Variants in SHISAL1 observed in about 807,000 individuals in gnomAD.
SHISAL1 encodes shisa like 1.
Under a neutral mutation model 22.6 loss-of-function variants are expected in SHISAL1, and 9 were observed. The observed-to-expected ratio is 0.40, with a 90% CI of 0.24 to 0.70. The LOEUF is 0.70. Ranked by LOEUF, SHISAL1 falls within the 30% of genes least tolerant of loss-of-function variation. SHISAL1 has a pLI of 0.39. For missense variants in SHISAL1, 246 were observed against 270.6 expected, an observed-to-expected ratio of 0.91 and a Z score of 0.64; for synonymous variants, 119 against 115.4, an observed-to-expected ratio of 1.03 and a Z score of -0.20.
chr22:44,254,033 GCCA>G (rs1191714022), intron 4 of SHISAL1, among the ~76,000 whole-genome samples: 6 of 151,914 alleles, frequency 3.9e-5, no homozygotes, highest in African/African-American at 1.5e-4. Context: ...ACCAAACTTT[GCCA>G]CCAAGAGGTC....
chr22:44,305,399 G>A (rs563588252), intron 1 of SHISAL1, among the ~76,000 whole-genome samples: 11 of 152,212 alleles, frequency 7.2e-5, no homozygotes, highest in African/African-American at 2.7e-4. Context: ...GTCCTGGCCA[G>A]GGCTGGCCCT....
intron 4 of SHISAL1, among the ~76,000 whole-genome samples, chr22:44,284,509 G>A (rs79548454): frequency 0.032 from 4,828 of 152,216 alleles, 273 homozygotes; most frequent in African/African-American, 0.11. Flanking sequence ...TCTGGGATGG[G>A]TCTTGCAGCC....
At chr22:44,307,941 C>A (rs1164235418) in intron 1 of SHISAL1, among the ~76,000 whole-genome samples, 1 of 152,144 alleles carries the variant, frequency 6.6e-6, no homozygotes, top group Non-Finnish European at 1.5e-5. Context: ...GCCTGGAGAC[C>A]CCCTACAGCA....
At chr22:44,255,872 G>T (rs561410821) in intron 4 of SHISAL1, among the ~76,000 whole-genome samples, 1 of 152,286 alleles carries the variant, frequency 6.6e-6, no homozygotes, top group South Asian at 2.1e-4. Flanking sequence ...GGGCCACAGG[G>T]TGCCCTGATA....
chr22:44,286,965 C>T (rs924260021), intron 3 of SHISAL1, among the ~76,000 whole-genome samples: 25 of 149,010 alleles, frequency 1.7e-4, no homozygotes, highest in African/African-American at 4.7e-4. Context: ...AGCCAGTGTC[C>T]GGCCTGTACA....
chr22:44,323,994 G>C, the SHISAL1 span, among the ~76,000 whole-genome samples: 1 of 152,200 alleles, frequency 6.6e-6, no homozygotes, highest in Non-Finnish European at 1.5e-5. Context: ...GAGGAAACAG[G>C]CTCAGAGAGG....
rs183338509 is a variant in SHISAL1, at chr22:44,309,713, T to G, written c.-33+3038A>C. On this transcript the variant is annotated intron_variant, in intron 1 of 4. Coordinates refer to ENST00000381176, the MANE Select transcript of SHISAL1 (RefSeq NM_001099294.2). ...ACACATGTACACACGTGTGCACATA[T>G]GTATCATCAGGGATGTTTAACCTCC... Among the ~76,000 whole-genome samples the G allele has an allele frequency of 1.1e-4, 16 of 152,296 alleles. No individual in the cohort carries two copies. In the East Asian group the frequency reaches 2.9e-3, roughly 28 times the overall value.
chr22:44,307,509 C>T (rs1293944244), intron 1 of SHISAL1, among the ~76,000 whole-genome samples: 2 of 152,178 alleles, frequency 1.3e-5, no homozygotes. Flanking sequence ...AATTTATCCT[C>T]CCGGGTTCTA....
At chr22:44,269,739 C>T (rs1209881702) in intron 4 of SHISAL1, among the ~76,000 whole-genome samples, 1 of 150,596 alleles carries the variant, frequency 6.6e-6, no homozygotes, top group African/African-American at 2.5e-5. Flanking sequence ...ACAGACATCA[C>T]ACAATGCACA....
chr22:44,270,477 A>G (rs1356119996), intron 4 of SHISAL1, among the ~76,000 whole-genome samples: 2 of 152,148 alleles, frequency 1.3e-5, no homozygotes, highest in Admixed American at 6.5e-5. Flanking sequence ...GGCATTTATG[A>G]TAGGGACTTG....
intron 1 of SHISAL1, among the ~76,000 whole-genome samples, 167 bp downstream of exon 1, chr22:44,312,583 AC>A (rs2055527452): frequency 6.6e-6 from 1 of 151,978 alleles, no homozygotes; most frequent in African/African-American, 2.4e-5. Context: ...CATAGCCGTC[AC>A]CCCGGCCCCT....
chr22:44,328,558 G>A, the SHISAL1 span, among the ~76,000 whole-genome samples: 4 of 152,086 alleles, frequency 2.6e-5, no homozygotes, highest in African/African-American at 7.2e-5. Flanking sequence ...ACATGCCACC[G>A]CCCCCCAACC....
chr22:44,290,529 C>CAAAGAAAAAAA (rs2055345288), intron 3 of SHISAL1, among the ~76,000 whole-genome samples: 1 of 84,292 alleles, frequency 1.2e-5, no homozygotes, highest in Non-Finnish European at 2.4e-5. Context: ...AACTCAGTCT[C>CAAAGAAAAAAA]AAAAAAAAAA....
At chr22:44,257,245 G>GGT (rs2055090826) in intron 4 of SHISAL1, among the ~76,000 whole-genome samples, 1 of 152,186 alleles carries the variant, frequency 6.6e-6, no homozygotes, top group Non-Finnish European at 1.5e-5. Context: ...GGCAACATAG[G>GGT]TACAAGCACA....
chr22:44,251,396 C>CG (rs1475801722), intron 4 of SHISAL1, among the ~76,000 whole-genome samples: 1 of 152,098 alleles, frequency 6.6e-6, no homozygotes, highest in Non-Finnish European at 1.5e-5. Flanking sequence ...ATTAAGGATA[C>CG]GCTTAGGCAA....
Position 44,247,254 on chromosome 22 carries a change from G to A in SHISAL1, c.*2431C>T, listed in dbSNP as rs765895557. The A allele has an allele frequency of 6.6e-6, 1 of 152,176 alleles. No homozygotes were observed. The highest frequency in any genetic ancestry group is 2.1e-4 in the South Asian group (1 of 4,820). The allele number at this position is 152,176 out of a possible 1,614,324, so 9.4% of individuals were successfully genotyped here. A position where few individuals can be genotyped will look rare whatever the true frequency, so the allele number is the denominator to read the frequency against. ...CATCTGACTCCTTCCTCTTACCGAT[G>A]GGGAAACTGAGGTAACAGACCTTGC... On this transcript the variant is annotated 3_prime_UTR_variant, in exon 5 of 5. Transcript: ENST00000381176.
intron 1 of SHISAL1, among the ~76,000 whole-genome samples, chr22:44,307,132 C>T (rs1601806623): frequency 6.6e-6 from 1 of 152,152 alleles, no homozygotes. Flanking sequence ...CCTGGAAGGG[C>T]GTCCGCCGTC....
chr22:44,246,365 G>C lies in SHISAL1; in HGVS notation c.*3320C>G, dbSNP rs537098246. The C allele has an allele frequency of 1.4e-5, 2 of 145,418 alleles. No homozygotes were observed. Among genetic ancestry groups the C allele is most frequent in the African/African-American group, 5.7e-5 (2 of 35,140 alleles). 9.0% of individuals were successfully genotyped at this position (145,418 alleles called of 1,614,324 possible). A position where few individuals can be genotyped will look rare whatever the true frequency, so the allele number is the denominator to read the frequency against. On this transcript the variant is annotated 3_prime_UTR_variant, in exon 5 of 5. Transcript: ENST00000381176. ...GACATCTTGTCCTCTTCTCTCTCTCGTTTTTCTTTTTGTATTATTATTATT... is the reference window on the plus strand; with the variant it reads ...GACATCTTGTCCTCTTCTCTCTCTCCTTTTTCTTTTTGTATTATTATTATT...
chr22:44,309,180 C>T (rs1345729623), intron 1 of SHISAL1, among the ~76,000 whole-genome samples: 2 of 152,212 alleles, frequency 1.3e-5, no homozygotes, highest in African/African-American at 4.8e-5. Flanking sequence ...TCAGGGATCA[C>T]CTAACGAGTC....
Sources: allele counts gnomAD v4.1 joint callset (sites outside exome capture counted in the v4.1 genomes callset), GRCh38; gene constraint gnomAD v4.1.1; transcripts MANE v1.5; gene names NCBI Gene and HGNC (gene_info 2026-07-23, HGNC 2026-07-21).